Variants in NKAIN3 observed in about 807,000 individuals in gnomAD.
NKAIN3 encodes the protein sodium/potassium transporting ATPase interacting 3, also known as sodium/potassium-transporting ATPase subunit beta-1-interacting protein 3.
NKAIN3 carries 25 observed loss-of-function variants against 30.2 expected under a neutral mutation model. That is an observed-to-expected ratio of 0.83 (90% CI 0.60 to 1.16). NKAIN3 has a LOEUF of 1.16. Among genes scored for constraint, NKAIN3 ranks in the 50% most tolerant of loss-of-function variants. The pLI is 0.00. For missense variants in NKAIN3, 225 were observed against 254.1 expected (o/e 0.89, Z 0.78); for synonymous variants, 91 against 89.6 (o/e 1.02, Z -0.09).
intron 6 of NKAIN3, among the ~76,000 whole-genome samples, chr8:62,964,577 T>TGTGTGC (rs1491191519): frequency 4.8e-5 from 7 of 144,924 alleles, no homozygotes; most frequent in East Asian, 2.1e-4. Context: ...TGTGTGTGTG[T>TGTGTGC]GCTTCCCCAC....
rs995607870 is a variant in NKAIN3 at position 62,641,879 on chromosome 8, A to T, written c.273+52085A>T. Among the ~76,000 whole-genome samples, 6 of 152,032 alleles carry T rather than the reference A, an allele frequency of 3.9e-5. No individual in the cohort carries two copies. In the East Asian group the frequency reaches 9.7e-4, roughly 25 times the overall value. On this transcript the variant is annotated intron_variant, in intron 3 of 6. Coordinates refer to ENST00000623646, the MANE Select transcript of NKAIN3 (RefSeq NM_001304533.3). ...ACTATGATGCATTTGGCTAAGATTA[A>T]TTTCAGAAATTTTACCTGTATTTTT...
At chr8:62,507,994 T>C (rs1225449926) in intron 1 of NKAIN3, among the ~76,000 whole-genome samples, 1 of 152,210 alleles carries the variant, frequency 6.6e-6, no homozygotes, top group East Asian at 1.9e-4. Flanking sequence ...ATATTGTCTT[T>C]TAGGCTCATC....
chr8:62,632,145 G>A (rs968053941), intron 3 of NKAIN3, among the ~76,000 whole-genome samples: 1 of 152,078 alleles, frequency 6.6e-6, no homozygotes, highest in African/African-American at 2.4e-5. Flanking sequence ...TCTCAGATAT[G>A]ACCCTCTTTC....
intron 3 of NKAIN3, among the ~76,000 whole-genome samples, chr8:62,714,796 A>T (rs1395661713): frequency 1.3e-5 from 2 of 152,218 alleles, no homozygotes; most frequent in African/African-American, 2.4e-5. Context: ...ACCTGCATTC[A>T]CAGCTTGTGC....
chr8:62,705,071 T>TG (rs1814475977), intron 3 of NKAIN3, among the ~76,000 whole-genome samples: 1 of 152,168 alleles, frequency 6.6e-6, no homozygotes, highest in Non-Finnish European at 1.5e-5. Flanking sequence ...TGAAAGGCTT[T>TG]AAGAATCTCC....
intron 1 of NKAIN3, among the ~76,000 whole-genome samples, chr8:62,357,322 G>T (rs1816393370): frequency 6.6e-6 from 1 of 151,826 alleles, no homozygotes; most frequent in South Asian, 2.1e-4. Flanking sequence ...GGCAGGCTGA[G>T]GCAGGAGGAC....
intron 1 of NKAIN3, among the ~76,000 whole-genome samples, chr8:62,335,350 C>T (rs1187709455): frequency 2.0e-5 from 3 of 146,404 alleles, no homozygotes; most frequent in East Asian, 2.1e-4. Flanking sequence ...TGCTTGAACT[C>T]GGGAGGTGGA....
At chr8:62,427,079 G>T (rs1164039701) in intron 1 of NKAIN3, among the ~76,000 whole-genome samples, 1 of 152,024 alleles carries the variant, frequency 6.6e-6, no homozygotes, top group African/African-American at 2.4e-5. Flanking sequence ...GTCAGAGGGA[G>T]CTCAAGATGG....
At chr8:62,748,327 C>A (rs955216523) in intron 4 of NKAIN3, among the ~76,000 whole-genome samples, 3 of 152,038 alleles carry the variant, frequency 2.0e-5, no homozygotes, top group African/African-American at 7.3e-5. Flanking sequence ...TGCACATGCA[C>A]ATGGCTTCTC....
intron 1 of NKAIN3, among the ~76,000 whole-genome samples, chr8:62,506,476 C>CTTTCTTTCTTTTTTTTTTTTTTTTTTTT (rs71559373): frequency 1.7e-4 from 17 of 98,452 alleles, no homozygotes; most frequent in South Asian, 7.4e-4. Flanking sequence ...TTCTTTCTTT[C>CTTTCTTTCTTTTTTTTTTTTTTTTTTTT]TTTTTTTTTT....
chr8:62,717,241 A>G, intron 3 of NKAIN3, among the ~76,000 whole-genome samples: 1 of 152,202 alleles, frequency 6.6e-6, no homozygotes, highest in Non-Finnish European at 1.5e-5. Context: ...TAGAAAGAAT[A>G]TTCATTTTCT....
chr8:62,411,438 A>G (rs1436400583), intron 1 of NKAIN3, among the ~76,000 whole-genome samples: 1 of 152,176 alleles, frequency 6.6e-6, no homozygotes, highest in Non-Finnish European at 1.5e-5. Flanking sequence ...CCTACAGCCA[A>G]CATCATATTG....
chr8:62,476,735 G>A (rs1005213148), intron 1 of NKAIN3, among the ~76,000 whole-genome samples: 13 of 152,114 alleles, frequency 8.5e-5, no homozygotes, highest in South Asian at 2.1e-4. Context: ...GATTACAGGC[G>A]TGAGCTACCA....
chr8:62,338,513 C>T (rs1815638007), intron 1 of NKAIN3, among the ~76,000 whole-genome samples: 1 of 151,974 alleles, frequency 6.6e-6, no homozygotes, highest in East Asian at 1.9e-4. Flanking sequence ...AAGGATTAAA[C>T]ATGAGCTGAA....
intron 1 of NKAIN3, among the ~76,000 whole-genome samples, chr8:62,473,064 C>A (rs987164380): frequency 2.0e-5 from 3 of 152,214 alleles, no homozygotes; most frequent in African/African-American, 7.2e-5. Context: ...CATTCTCTAT[C>A]TACTGCTATG....
At chr8:62,282,395 T>C (rs1420980004) in intron 1 of NKAIN3, among the ~76,000 whole-genome samples, 1 of 152,128 alleles carries the variant, frequency 6.6e-6, no homozygotes, top group Non-Finnish European at 1.5e-5. Context: ...CCTGGGCTTG[T>C]AGGGATACCC....
chr8:62,595,170 G>T (rs1294158052), intron 3 of NKAIN3, among the ~76,000 whole-genome samples: 1 of 151,774 alleles, frequency 6.6e-6, no homozygotes, highest in Non-Finnish European at 1.5e-5. Flanking sequence ...TAAAGTCATG[G>T]TTAATATTTT....
intron 3 of NKAIN3, among the ~76,000 whole-genome samples, chr8:62,692,880 C>A (rs531903502): frequency 2.6e-5 from 4 of 152,280 alleles, no homozygotes; most frequent in African/African-American, 9.6e-5. Flanking sequence ...GTTTATGTAA[C>A]TGCATCCTGG....
chr8:62,478,847 G>T (rs1806606574), intron 1 of NKAIN3, among the ~76,000 whole-genome samples: 1 of 152,192 alleles, frequency 6.6e-6, no homozygotes. Flanking sequence ...AAATTGCATT[G>T]GTCACCAAAT....
Sources: allele counts gnomAD v4.1 joint callset (sites outside exome capture counted in the v4.1 genomes callset), GRCh38; gene constraint gnomAD v4.1.1; transcripts MANE v1.5; gene names NCBI Gene and HGNC (gene_info 2026-07-23, HGNC 2026-07-21).